SPAG1: variants seen among roughly 807,000 people sequenced by gnomAD.
SPAG1 encodes sperm associated antigen 1.
A neutral mutation model predicts 100.5 loss-of-function variants in SPAG1; 69 were observed. That is an observed-to-expected ratio of 0.69 (90% CI 0.57 to 0.84). The LOEUF (loss-of-function observed/expected upper bound fraction) is 0.84, where lower values mean the gene tolerates loss of function less well. Among genes scored for constraint, SPAG1 ranks in the 40% least tolerant of loss-of-function variants. The pLI, the probability that SPAG1 is intolerant of heterozygous loss-of-function variation, is 0.00. For missense variants in SPAG1, 955 were observed against 1,133.1 expected (o/e 0.84, Z 2.26); for synonymous variants, 336 against 411.6 (o/e 0.82, Z 2.22).
intron 12 of SPAG1, among the ~76,000 whole-genome samples, chr8:100,214,487 T>C (rs1211233554): frequency 3.9e-5 from 6 of 152,176 alleles, no homozygotes; most frequent in Non-Finnish European, 7.3e-5. Context: ...CCTTCTTGAG[T>C]GCCCTAGACT....
intron 10 of SPAG1, among the ~76,000 whole-genome samples, chr8:100,203,917 CG>C (rs2132320675): frequency 1.3e-5 from 2 of 152,234 alleles, no homozygotes; most frequent in African/African-American, 4.8e-5. Context: ...AGGTGTCTAC[CG>C]TTAAAATAAG....
At chr8:100,191,523 T>C in intron 9 of SPAG1, 27 bp downstream of exon 9, 1 of 1,451,152 alleles carries the variant, frequency 6.9e-7, no homozygotes, top group Non-Finnish European at 9.6e-7. Context: ...ATTTCTCACC[T>C]AATTCTGTAG....
chr8:100,181,372 G>A (rs1816359933), intron 4 of SPAG1, among the ~76,000 whole-genome samples: 1 of 152,148 alleles, frequency 6.6e-6, no homozygotes, highest in South Asian at 2.1e-4. Context: ...GATATTTTTT[G>A]TCACAGGTAG....
intron 3 of SPAG1, among the ~76,000 whole-genome samples, chr8:100,176,769 G>A (rs1386666364): frequency 6.6e-6 from 1 of 151,736 alleles, no homozygotes; most frequent in Non-Finnish European, 1.5e-5. Flanking sequence ...GCACCTGATG[G>A]TGTAGCCGCA....
intron 10 of SPAG1, among the ~76,000 whole-genome samples, chr8:100,206,454 A>G (rs1162359793): frequency 6.6e-6 from 1 of 152,214 alleles, no homozygotes; most frequent in Non-Finnish European, 1.5e-5. Context: ...ACACTGGTAC[A>G]TTATATTGAT....
intron 14 of SPAG1, among the ~76,000 whole-genome samples, chr8:100,226,860 C>T (rs1178651971): frequency 6.6e-6 from 1 of 152,114 alleles, no homozygotes; most frequent in African/African-American, 2.4e-5. Context: ...CAATGGAGCA[C>T]ATATATGACA....
At chr8:100,196,211 GT>G (rs764187990) in intron 10 of SPAG1, among the ~76,000 whole-genome samples, 94 of 152,194 alleles carry the variant, frequency 6.2e-4, no homozygotes, top group Admixed American at 3.1e-3. Flanking sequence ...GTAAACATAT[GT>G]TTTCATTTCC....
At chr8:100,209,365 A>C (rs1377639369) in intron 10 of SPAG1, among the ~76,000 whole-genome samples, 1 of 147,926 alleles carries the variant, frequency 6.8e-6, no homozygotes, top group Non-Finnish European at 1.5e-5. Context: ...TATATATCCT[A>C]TTAATTCTGT....
intron 1 of SPAG1, among the ~76,000 whole-genome samples, chr8:100,159,825 TTAAG>T (rs1815227987): frequency 6.6e-6 from 1 of 152,242 alleles, no homozygotes; most frequent in South Asian, 2.1e-4. Flanking sequence ...GGTACAGTGG[TTAAG>T]TATGTGGGCT....
intron 7 of SPAG1, among the ~76,000 whole-genome samples, chr8:100,186,060 CTTTTTTTTTTTT>C (rs71274962): frequency 1.1e-5 from 1 of 89,984 alleles, no homozygotes; most frequent in Non-Finnish European, 2.1e-5. Context: ...TGGGCAGATT[CTTTTTTTTTTTT>C]TTTTTTTTTT....
rs748752215 is a variant in SPAG1 at position 100,167,158 on chromosome 8, A to T, written c.300+1185A>T. Among the ~76,000 whole-genome samples the T allele has an allele frequency of 1.3e-3, 199 of 151,720 alleles. 1 individual carries two copies. Among genetic ancestry groups the T allele is most frequent in the Admixed American group, 3.3e-3 (50 of 15,210 alleles). On this transcript the variant is annotated intron_variant, in intron 3 of 18. Transcript: ENST00000388798. ...TACAGAGAGACCTGGTTTCTTTATT[A>T]AAAAAAACAAAAACAAACAAACAAA... is the stretch of plus-strand genomic sequence containing the variant.
intron 16 of SPAG1, among the ~76,000 whole-genome samples, chr8:100,236,286 C>G (rs1819002223): frequency 6.6e-6 from 1 of 152,032 alleles, no homozygotes; most frequent in Non-Finnish European, 1.5e-5. Flanking sequence ...GAGGTATGTG[C>G]CAGGTGAATT....
In SPAG1 at chr8:100,239,758, C is replaced by A. The variant is rs1261076723; in HGVS notation, c.2280+354C>A. Reference sequence around the variant, plus strand: ...GACGGGACTGATTTTGTTACAGGGGCCCTGAAAGCCTCACCTCATAGAGAT... The same window carrying A: ...GACGGGACTGATTTTGTTACAGGGGACCTGAAAGCCTCACCTCATAGAGAT... On this transcript the variant is annotated intron_variant, in intron 17 of 18. Coordinates refer to ENST00000388798, the MANE Select transcript of SPAG1 (RefSeq NM_003114.5). This position sits in a 1 kb window ranked among gnomAD's most constrained non-coding sequence, Gnocchi z 5.0. Among the ~76,000 whole-genome samples, 2 of 152,158 alleles carry A rather than the reference C, an allele frequency of 1.3e-5. No individual in the cohort carries two copies. Among genetic ancestry groups the A allele is most frequent in the Admixed American group, 6.5e-5 (1 of 15,280 alleles).
At position 100,213,292 on chromosome 8, in the gene SPAG1, C is replaced by T. The variant is rs1468178820; in HGVS notation, c.1299C>T (p.Thr433=). ...CGGCGGCGGCGGGCGGCGGCGCCACCGGGCATCCGGGCGGCGGGCAGGGCG... is the reference window on the plus strand; with the variant it reads ...CGGCGGCGGCGGGCGGCGGCGCCACTGGGCATCCGGGCGGCGGGCAGGGCG... ...SAAAAAGGGA[T]GHPGGGQGAE... The change falls in exon 11 of 19, where the codon ACC becomes ACT. Residue 433 remains threonine (T), a synonymous_variant. Coordinates refer to ENST00000388798, the MANE Select transcript of SPAG1 (RefSeq NM_003114.5). The T allele has an allele frequency of 1.4e-5, 17 of 1,224,830 alleles. 1 individual carries two copies. In the Admixed American group the frequency reaches 1.7e-4, roughly 13 times the overall value. The allele number at this position is 1,224,830 out of a possible 1,614,324, so 75.9% of individuals were successfully genotyped here.
In SPAG1 at chr8:100,191,565, A is replaced by G; in HGVS notation, c.939+69A>G. The G allele has an allele frequency of 6.5e-6, 7 of 1,084,766 alleles. No individual in the cohort carries two copies. The South Asian group carries it at 9.6e-5, about 15-fold the overall frequency. The allele number at this position is 1,084,766 out of a possible 1,614,324, so 67.2% of individuals were successfully genotyped here. A position where few individuals can be genotyped will look rare whatever the true frequency, so the allele number is the denominator to read the frequency against. ...GTTTCTGTATTTATTTTAAAGTGGT[A>G]TCAATCTTGCCAAACAAATTATGTT... On this transcript the variant is annotated intron_variant, in intron 9 of 18. Coordinates refer to ENST00000388798, the MANE Select transcript of SPAG1 (RefSeq NM_003114.5).
intron 3 of SPAG1, among the ~76,000 whole-genome samples, chr8:100,172,578 C>T (rs1300351119): frequency 6.6e-6 from 1 of 151,700 alleles, no homozygotes; most frequent in Non-Finnish European, 1.5e-5. Context: ...AAAGATGGCA[C>T]CACTGTACTC....
intron 3 of SPAG1, among the ~76,000 whole-genome samples, chr8:100,176,429 A>G (rs1273879594): frequency 6.7e-6 from 1 of 150,306 alleles, no homozygotes. Context: ...GCAGTGGTGC[A>G]ATCTCGGCTC....
At chr8:100,166,075 C>A in intron 3 of SPAG1, 102 bp downstream of exon 3, 1 of 1,033,452 alleles carries the variant, frequency 9.7e-7, no homozygotes, top group Non-Finnish European at 1.4e-6. Flanking sequence ...CCGTAAAGGG[C>A]TTTTAGTGTC....
intron 4 of SPAG1, among the ~76,000 whole-genome samples, chr8:100,179,063 C>T (rs911700905): frequency 1.6e-4 from 18 of 112,082 alleles, no homozygotes; most frequent in Non-Finnish European, 2.8e-4. Flanking sequence ...TCCTCTGTCT[C>T]AAAAAAAAAA....
Sources: allele counts gnomAD v4.1 joint callset (sites outside exome capture counted in the v4.1 genomes callset), GRCh38; gene constraint gnomAD v4.1.1; non-coding constraint Gnocchi (gnomAD v3.1); transcripts MANE v1.5; gene names NCBI Gene and HGNC (gene_info 2026-07-23, HGNC 2026-07-21).